FAM107B: variants seen among roughly 807,000 people sequenced by gnomAD.
FAM107B encodes family with sequence similarity 107 member B, also known as protein FAM107B.
In FAM107B, 21 loss-of-function variants were observed where a neutral mutation model predicts 31.5. That is an observed-to-expected ratio of 0.67 (90% CI 0.47 to 0.96). The LOEUF is 0.96. FAM107B is among the 40% of genes least tolerant of loss of function. FAM107B has a pLI of 0.00. For synonymous variants in FAM107B, 157 were observed against 141.5 expected (o/e 1.11, Z -0.78); for missense variants, 452 against 377.1 (o/e 1.20, Z -1.64).
At chr10:14,619,358 C>T (rs1477394042) in intron 2 of FAM107B, among the ~76,000 whole-genome samples, 1 of 152,198 alleles carries the variant, frequency 6.6e-6, no homozygotes, top group Non-Finnish European at 1.5e-5. Flanking sequence ...CAGCAGTCGA[C>T]ACTAGCAGTG....
intron 2 of FAM107B, among the ~76,000 whole-genome samples, chr10:14,601,127 G>A (rs1468827145): frequency 6.6e-6 from 1 of 152,198 alleles, no homozygotes; most frequent in Non-Finnish European, 1.5e-5. Flanking sequence ...TAAACCCAGT[G>A]CCTGGCACAT....
chr10:14,757,212 A>T, intron 1 of FAM107B, among the ~76,000 whole-genome samples: 1 of 152,084 alleles, frequency 6.6e-6, no homozygotes, highest in Non-Finnish European at 1.5e-5. Flanking sequence ...CAAAAACCAT[A>T]CAAGTTGCTC....
At chr10:14,551,753 A>T (rs1849288106) in intron 2 of FAM107B, among the ~76,000 whole-genome samples, 1 of 152,208 alleles carries the variant, frequency 6.6e-6, no homozygotes, top group Admixed American at 6.5e-5. Flanking sequence ...ACATATTATC[A>T]CCAATGTTAA....
chr10:14,646,789 C>CTT (rs369557470), intron 2 of FAM107B, among the ~76,000 whole-genome samples: 20,824 of 86,584 alleles, frequency 0.24, 3,820 homozygotes, highest in African/African-American at 0.29. Context: ...CCATTTTCTC[C>CTT]TTTTTTTTTT....
At chr10:14,692,705 G>C (rs1855169416) in intron 1 of FAM107B, among the ~76,000 whole-genome samples, 1 of 152,126 alleles carries the variant, frequency 6.6e-6, no homozygotes, top group Non-Finnish European at 1.5e-5. Flanking sequence ...TTCCTTTGCT[G>C]TATGCAATTG....
At chr10:14,570,102 G>GA (rs1367425842) in intron 2 of FAM107B, among the ~76,000 whole-genome samples, 1 of 152,126 alleles carries the variant, frequency 6.6e-6, no homozygotes, top group African/African-American at 2.4e-5. Flanking sequence ...CATTGCTACA[G>GA]AAAAAAACTG....
At chr10:14,578,311 C>G (rs1439802497) in intron 2 of FAM107B, among the ~76,000 whole-genome samples, 1 of 152,188 alleles carries the variant, frequency 6.6e-6, no homozygotes, top group Non-Finnish European at 1.5e-5. Context: ...TTAATACATT[C>G]CATAAACTCA....
chr10:14,669,138 C>T (rs1296798094), intron 1 of FAM107B, among the ~76,000 whole-genome samples: 2 of 151,942 alleles, frequency 1.3e-5, no homozygotes, highest in East Asian at 1.9e-4. Context: ...GAGGCCGAGG[C>T]GGGTGGATTG....
In FAM107B at chr10:14,530,752, C is replaced by T. The variant is rs566531049; in HGVS notation, c.470-237G>A. On this transcript the variant is annotated intron_variant, in intron 2 of 4. Coordinates refer to ENST00000181796, the MANE Select transcript of FAM107B (RefSeq NM_031453.4). ...GACTAAGGCCAGGGAGCCCTGTGGC[C>T]TGACTTCTATCACTGCCACTGCCAC... 3.9e-5 allele frequency among the ~76,000 whole-genome samples: 6 copies of T among 152,324 alleles called. No individual in the cohort carries two copies. In the East Asian group the frequency reaches 1.2e-3, roughly 29 times the overall value.
intron 2 of FAM107B, among the ~76,000 whole-genome samples, chr10:14,569,640 G>C (rs140486192): frequency 6.6e-6 from 1 of 152,306 alleles, no homozygotes; most frequent in East Asian, 1.9e-4. Context: ...GCCAGGACTG[G>C]AGGGGTGGAG....
intron 1 of FAM107B, among the ~76,000 whole-genome samples, chr10:14,672,312 T>C (rs892793314): frequency 6.6e-6 from 1 of 152,130 alleles, no homozygotes; most frequent in African/African-American, 2.4e-5. Context: ...GGTCTCAAAC[T>C]CCTAACCTCA....
At chr10:14,606,442 A>G (rs1472437865) in intron 2 of FAM107B, among the ~76,000 whole-genome samples, 1 of 152,156 alleles carries the variant, frequency 6.6e-6, no homozygotes. Context: ...ACATATATAC[A>G]TATCTTTATA....
At chr10:14,740,649 G>A (rs1856415425) in intron 1 of FAM107B, among the ~76,000 whole-genome samples, 1 of 152,152 alleles carries the variant, frequency 6.6e-6, no homozygotes, top group Admixed American at 6.5e-5. Flanking sequence ...TGTAATCAAT[G>A]TACCACATCA....
intron 1 of FAM107B, among the ~76,000 whole-genome samples, chr10:14,750,117 G>A (rs1318400214): frequency 5.3e-5 from 8 of 152,184 alleles, no homozygotes; most frequent in Non-Finnish European, 1.2e-4. Flanking sequence ...AAGCCAGGAT[G>A]AAAACCCATT....
At chr10:14,735,243 C>G (rs1360079894) in intron 1 of FAM107B, among the ~76,000 whole-genome samples, 1 of 152,184 alleles carries the variant, frequency 6.6e-6, no homozygotes, top group Non-Finnish European at 1.5e-5. Context: ...TCAAGGCAGC[C>G]CAACACAAAT....
chr10:14,662,500 C>T (rs889295585), intron 2 of FAM107B, among the ~76,000 whole-genome samples: 4 of 152,000 alleles, frequency 2.6e-5, no homozygotes, highest in South Asian at 2.1e-4. Flanking sequence ...TATCAGCCTC[C>T]CCAGTAGCTG....
chr10:14,610,663 TA>T (rs1464503161), intron 2 of FAM107B, among the ~76,000 whole-genome samples: 1 of 152,210 alleles, frequency 6.6e-6, no homozygotes, highest in Non-Finnish European at 1.5e-5. Flanking sequence ...AACCAGATGA[TA>T]AGCTGTTTCA....
intron 1 of FAM107B, among the ~76,000 whole-genome samples, chr10:14,719,107 G>C (rs1436079415): frequency 6.6e-6 from 1 of 152,166 alleles, no homozygotes; most frequent in Admixed American, 6.5e-5. Context: ...GAGGGGATGT[G>C]CCTTCACAGC....
chr10:14,645,413 T>G (rs1018960879), intron 2 of FAM107B, among the ~76,000 whole-genome samples: 3 of 152,216 alleles, frequency 2.0e-5, no homozygotes, highest in Admixed American at 2.0e-4. Flanking sequence ...GCTTTTAGGT[T>G]TCCGTTTCCC....
Sources: gnomAD v4.1 joint callset for allele counts (sites outside exome capture counted in the v4.1 genomes callset) on GRCh38, gnomAD v4.1.1 for gene constraint, MANE v1.5 for transcripts, NCBI Gene and HGNC (gene_info 2026-07-23, HGNC 2026-07-21) for gene names.